MBP: variants seen among roughly 807,000 people sequenced by gnomAD.
MBP encodes the protein Golli-MBP.
MBP carries 16 observed loss-of-function variants against 35.8 expected under a neutral mutation model. The ratio of observed to expected loss-of-function variants is 0.45; its 90% confidence interval spans 0.30 to 0.68. MBP has a LOEUF of 0.68. Ranked by LOEUF, MBP falls within the 30% of genes least tolerant of loss-of-function variation. MBP has a pLI of 0.08. For missense variants in MBP, 380 were observed against 404.7 expected (o/e 0.94, Z 0.52); for synonymous variants, 143 against 159.6 (o/e 0.90, Z 0.78).
chr18:76,990,575 AC>A (rs1454791054), intron 4 of MBP, among the ~76,000 whole-genome samples: 2 of 152,292 alleles, frequency 1.3e-5, no homozygotes, highest in East Asian at 3.9e-4. Flanking sequence ...TCTTGGTAAA[AC>A]TGGACTAGGC....
intron 3 of MBP, among the ~76,000 whole-genome samples, chr18:77,038,796 C>G (rs755519390): frequency 1.5e-4 from 23 of 152,138 alleles, no homozygotes; most frequent in Non-Finnish European, 2.9e-4. Flanking sequence ...GATGTGTGCT[C>G]TTGTTAGCTT....
rs899586844 is a variant in MBP at position 77,101,377 on chromosome 18, A to C, written c.51+3834T>G. On this transcript the variant is annotated intron_variant, in intron 2 of 8. Transcript: ENST00000355994. This position sits in a 1 kb window ranked among gnomAD's most constrained non-coding sequence, Gnocchi z 4.3. ...ACCAAATTTCCCTGCAACTTAAAAA[A>C]CACAGGGAGTCAAAGGCAGAACAGG... is the stretch of plus-strand genomic sequence containing the variant. Among the ~76,000 whole-genome samples, 2 of 152,248 alleles carry C rather than the reference A, an allele frequency of 1.3e-5. No homozygotes were observed. Among genetic ancestry groups the C allele is most frequent in the African/African-American group, 4.8e-5 (2 of 41,460 alleles).
intron 7 of MBP, chr18:76,985,806 T>C (rs758004493): frequency 1.0e-6 from 1 of 989,162 alleles, no homozygotes; most frequent in Non-Finnish European, 1.2e-6. Flanking sequence ...TTCATGGAGA[T>C]GCCACTCCTC....
chr18:77,056,597 C>T (rs936389313), intron 3 of MBP, among the ~76,000 whole-genome samples: 4 of 152,160 alleles, frequency 2.6e-5, no homozygotes, highest in Non-Finnish European at 5.9e-5. Flanking sequence ...GGCCTCCATC[C>T]GATGTCCTCC....
chr18:77,059,551 A>T (rs1599161007), intron 3 of MBP, among the ~76,000 whole-genome samples: 1 of 151,614 alleles, frequency 6.6e-6, no homozygotes, highest in Admixed American at 6.5e-5. Flanking sequence ...AAATTAATTA[A>T]TTTTTATCTA....
At chr18:77,022,680 T>C (rs1342792849) in intron 3 of MBP, among the ~76,000 whole-genome samples, 3 of 152,232 alleles carry the variant, frequency 2.0e-5, no homozygotes, top group Non-Finnish European at 4.4e-5. Context: ...TTGTACATAA[T>C]TAAATGCATT....
chr18:77,066,268 C>T (rs757024234), intron 3 of MBP, 30 bp downstream of exon 3: 9 of 1,555,132 alleles, frequency 5.8e-6, no homozygotes, highest in South Asian at 2.3e-5. Context: ...CACCATGTGG[C>T]GCCATGTTGC....
At position 77,038,232 on chromosome 18, in the gene MBP, TAAAAG is replaced by T. The variant is rs1166157865; in HGVS notation, c.140-20969_140-20965del. The stretch of plus-strand genomic sequence containing the variant: ...AGGGATGGGGAACAACAGTTCAGTT[TAAAAG>T]AAAAGAAACATGTTGGCAAATAACA... On this transcript the variant is annotated intron_variant, in intron 3 of 8. Coordinates refer to ENST00000355994, the MANE Select transcript of MBP (RefSeq NM_001025101.2). Among the ~76,000 whole-genome samples, 10 of 152,316 alleles carry T rather than the reference TAAAAG, an allele frequency of 6.6e-5. No individual in the cohort carries two copies. The South Asian group carries it at 1.2e-3, about 19-fold the overall frequency.
In MBP at chr18:76,979,592, A is replaced by C. The variant is rs1371603074; in HGVS notation, c.*835T>G. 3.6e-6 allele frequency: 1 copy of C among 274,200 alleles called. No individual in the cohort carries two copies. The highest frequency in any genetic ancestry group is 2.2e-5 in the African/African-American group (1 of 44,784). The allele number at this position is 274,200 out of a possible 1,614,324, so 17.0% of individuals were successfully genotyped here. On this transcript the variant is annotated 3_prime_UTR_variant, in exon 9 of 9. Coordinates refer to ENST00000355994, the MANE Select transcript of MBP (RefSeq NM_001025101.2). The stretch of plus-strand genomic sequence containing the variant: ...CTCCGGCTGTGGGCTGTGGTTTGGA[A>C]ACGAGGTTGTTCATAGAGGCTGCTC...
In MBP at chr18:76,989,957, A is replaced by G; in HGVS notation, c.680T>C (p.Ile227Thr). The G allele has an allele frequency of 6.2e-7, 1 of 1,610,158 alleles. No homozygotes were observed. Among genetic ancestry groups the G allele is most frequent in the Non-Finnish European group, 8.5e-7 (1 of 1,178,204 alleles). ...CTCTTCCCATCGATCGTCACTTACA[A>G]TGTTCTTGAAGAAGTGGACTACGGG... is the stretch of plus-strand genomic sequence containing the variant. ...ENPVVHFFKN[I>T]VTPRTPPPSQ... Residue 227 changes from isoleucine to threonine, a missense_variant and splice_region_variant, in exon 5 of 9, where the codon ATT becomes ACT. Transcript: ENST00000355994. The surrounding 1 kb of genome is among the most constrained non-coding windows in gnomAD (Gnocchi z 4.0).
chr18:77,061,046 C>G (rs960111589), intron 3 of MBP, among the ~76,000 whole-genome samples: 1 of 152,186 alleles, frequency 6.6e-6, no homozygotes, highest in Non-Finnish European at 1.5e-5. Flanking sequence ...TATGAAATGC[C>G]TATCAAAGTC....
intron 3 of MBP, among the ~76,000 whole-genome samples, chr18:77,053,267 G>T (rs186918327): frequency 1.3e-5 from 2 of 152,162 alleles, no homozygotes; most frequent in East Asian, 1.9e-4. Flanking sequence ...CTTCAGGGGA[G>T]GGGTGGGCAG....
chr18:77,090,218 C>T (rs754565630), intron 2 of MBP, among the ~76,000 whole-genome samples: 101 of 152,176 alleles, frequency 6.6e-4, no homozygotes, highest in Non-Finnish European at 9.8e-4. Context: ...TTGAGACAAA[C>T]GTGCTTTCCT....
chr18:77,102,249 C>G lies in MBP; in HGVS notation c.51+2962G>C, dbSNP rs142668217. On this transcript the variant is annotated intron_variant, in intron 2 of 8. Transcript: ENST00000355994. The surrounding 1 kb of genome is among the most constrained non-coding windows in gnomAD (Gnocchi z 4.4). ...GGGCAGCCCCCACCGCAGCTGCCCT[C>G]CCTGCTGACAGATCAGTAACCAGCA... 2.1e-3 allele frequency among the ~76,000 whole-genome samples: 317 copies of G among 152,228 alleles called. 1 individual carries two copies. Among genetic ancestry groups the G allele is most frequent in the African/African-American group, 7.3e-3 (303 of 41,522 alleles).
At position 76,990,071 on chromosome 18, in the gene MBP, G is replaced by C. The variant is rs1295649407; in HGVS notation, c.577-11C>G. The C allele has an allele frequency of 1.3e-6, 2 of 1,591,852 alleles. No homozygotes were observed. The highest frequency in any genetic ancestry group is 8.6e-7 in the Non-Finnish European group (1 of 1,163,270). ...CGGGTGGTGTGAGTCCTGAAACACA[G>C]AGGCGCGGTGACCTCAGGACAAGTC... On this transcript the variant is annotated splice_polypyrimidine_tract_variant and intron_variant, in intron 4 of 8. Coordinates refer to ENST00000355994, the MANE Select transcript of MBP (RefSeq NM_001025101.2).
chr18:77,112,614 G>A (rs986888063), intron 1 of MBP: 40 of 152,276 alleles, frequency 2.6e-4, no homozygotes, highest in African/African-American at 9.7e-4. Context: ...CCACAAGCTC[G>A]AGGCTGCTGC....
At chr18:76,998,633 G>A (rs561865699) in intron 4 of MBP, among the ~76,000 whole-genome samples, 11 of 152,194 alleles carry the variant, frequency 7.2e-5, no homozygotes, top group African/African-American at 2.7e-4. Flanking sequence ...AGGAATAGCA[G>A]CACGCGGCAT....
chr18:77,050,443 C>A (rs1190041317), intron 3 of MBP, among the ~76,000 whole-genome samples: 1 of 148,462 alleles, frequency 6.7e-6, no homozygotes, highest in Non-Finnish European at 1.5e-5. Context: ...TTTGCTGAAG[C>A]CTGTAGCTTG....
chr18:77,013,722 A>G, intron 4 of MBP: 1 of 985,480 alleles, frequency 1.0e-6, no homozygotes, highest in Non-Finnish European at 1.2e-6. Context: ...CTAGCTTTCG[A>G]AAACCTCCCT....
Sources: allele counts gnomAD v4.1 joint callset (sites outside exome capture counted in the v4.1 genomes callset), GRCh38; gene constraint gnomAD v4.1.1; non-coding constraint Gnocchi (gnomAD v3.1); transcripts MANE v1.5; gene names NCBI Gene and HGNC (gene_info 2026-07-23, HGNC 2026-07-21).